The following RPL28 variants were observed in gnomAD, a reference collection of about 807,000 sequenced individuals.
RPL28 encodes the protein large ribosomal subunit protein eL28.
A neutral mutation model predicts 12.5 loss-of-function variants in RPL28; 4 were observed. The ratio of observed to expected loss-of-function variants is 0.32; its 90% CI spans 0.16 to 0.73. The LOEUF (loss-of-function observed/expected upper bound fraction) is 0.73, where lower values mean the gene tolerates loss of function less well. Ranked by LOEUF, RPL28 falls within the 30% of genes least tolerant of loss-of-function variation. The probability of loss-of-function intolerance (pLI) is 0.66; values close to 1 mark genes in which losing one functional copy is unlikely to be tolerated. For missense variants in RPL28, 214 were observed against 197.7 expected, an observed-to-expected ratio of 1.08 and a Z score of -0.49; for synonymous variants, 91 against 72.5, an observed-to-expected ratio of 1.26 and a Z score of -1.30.
intron 4 of RPL28, 36 bp from the exon 5 acceptor site, chr19:55,388,207 T>C (rs1446728931): frequency 4.6e-6 from 7 of 1,516,016 alleles, no homozygotes; most frequent in Non-Finnish European, 6.2e-6. Flanking sequence ...TTGTGGAGTG[T>C]ATGGGCTGAG....
At chr19:55,397,670 G>A (rs989032207) in intron 4 of RPL28, among the ~76,000 whole-genome samples, 10 of 151,896 alleles carry the variant, frequency 6.6e-5, no homozygotes, top group South Asian at 2.1e-4. Flanking sequence ...GAGCCACCGC[G>A]CCCGGCCAGG....
downstream of RPL28, among the ~76,000 whole-genome samples, chr19:55,395,285 C>T (rs929418243): frequency 6.6e-5 from 10 of 151,754 alleles, no homozygotes; most frequent in Admixed American, 2.0e-4. Flanking sequence ...TACAGGCATG[C>T]GCCACCATGC....
downstream of RPL28, among the ~76,000 whole-genome samples, chr19:55,395,604 C>T (rs945195569): frequency 4.9e-4 from 75 of 152,006 alleles, no homozygotes; most frequent in Non-Finnish European, 8.5e-4. Flanking sequence ...CCACCACACC[C>T]GGCTAATTTT....
intron 4 of RPL28, among the ~76,000 whole-genome samples, chr19:55,399,308 A>G (rs2090041253): frequency 6.6e-6 from 1 of 152,154 alleles, no homozygotes; most frequent in African/African-American, 2.4e-5. Flanking sequence ...CTGGGATTAC[A>G]GACATGCACC....
At chr19:55,392,651 C>A (rs542891647), downstream of RPL28, among the ~76,000 whole-genome samples, 13 of 152,062 alleles carry the variant, frequency 8.5e-5, no homozygotes, top group African/African-American at 2.7e-4. Flanking sequence ...CCCAGCCTCC[C>A]CAGGAGCTGG....
chr19:55,397,918 G>A (rs1470425319), intron 4 of RPL28, among the ~76,000 whole-genome samples: 1 of 152,076 alleles, frequency 6.6e-6, no homozygotes, highest in Non-Finnish European at 1.5e-5. Context: ...ATGTGAGGTT[G>A]GGCGTGGTGG....
At chr19:55,401,802 C>A in intron 4 of RPL28, 1 of 1,608,190 alleles carries the variant, frequency 6.2e-7, no homozygotes. Context: ...GTCGGGCAAC[C>A]TACAGGGACC....
In RPL28 at chr19:55,390,684, G is replaced by T; in HGVS notation, c.*2352G>T. The stretch of plus-strand genomic sequence containing the variant: ...ACACAGCCCAGCTTAGTGGGCCTCT[G>T]TTCCTGCGGGTGGCCAGCCTGTCTG... On this transcript the variant is annotated 3_prime_UTR_variant, in exon 5 of 5. Coordinates refer to ENST00000344063, the MANE Select transcript of RPL28 (RefSeq NM_000991.5). The T allele has an allele frequency of 3.0e-6, 3 of 985,430 alleles. No individual in the cohort carries two copies. The highest frequency in any genetic ancestry group is 3.6e-6 in the Non-Finnish European group (3 of 829,946). The allele number at this position is 985,430 out of a possible 1,614,324, so 61.0% of individuals were successfully genotyped here.
downstream of RPL28, among the ~76,000 whole-genome samples, chr19:55,395,441 CTCTT>C (rs1361847383): frequency 3.1e-4 from 41 of 132,778 alleles, no homozygotes; most frequent in African/African-American, 1.2e-3. Flanking sequence ...CCTTCTTTTT[CTCTT>C]TTTTTTTTTT....
intron 4 of RPL28, chr19:55,401,728 T>C: frequency 6.2e-7 from 1 of 1,613,276 alleles, no homozygotes; most frequent in South Asian, 1.1e-5. Context: ...GAGTGCAGAC[T>C]CGGGGTTAGG....
At chr19:55,401,120 G>C (rs1391053526) in intron 4 of RPL28, 2 of 431,132 alleles carry the variant, frequency 4.6e-6, no homozygotes, top group South Asian at 2.9e-5. Flanking sequence ...ACAGAACAAA[G>C]AGGTGGACCC....
chr19:55,396,281 A>G (rs1007356720), downstream of RPL28, among the ~76,000 whole-genome samples: 1 of 151,230 alleles, frequency 6.6e-6, no homozygotes, highest in Non-Finnish European at 1.5e-5. Flanking sequence ...AAAAAAAAAA[A>G]CTTTAAAATT....
Position 55,390,068 on chromosome 19 carries a change from A to G in RPL28, c.*1736A>G, listed in dbSNP as rs1445046797. The G allele has an allele frequency of 1.0e-6, 1 of 985,504 alleles. No homozygotes were observed. Among genetic ancestry groups the G allele is most frequent in the Non-Finnish European group, 1.2e-6 (1 of 829,992 alleles). The allele number at this position is 985,504 out of a possible 1,614,324, so 61.0% of individuals were successfully genotyped here. On this transcript the variant is annotated 3_prime_UTR_variant, in exon 5 of 5. Transcript: ENST00000344063. ...CCACAGCACTGATTTGCAGCCCACA[A>G]GCTGGCAGGTTTATCTGTCTCATGT...
At chr19:55,387,335 C>G (rs1569040473) in intron 3 of RPL28, 1 of 1,551,656 alleles carries the variant, frequency 6.4e-7, no homozygotes, top group African/African-American at 1.4e-5. Context: ...GCCAAGGGTC[C>G]TTTTACTCAG....
At position 55,388,077 on chromosome 19, in the gene RPL28, G is replaced by A. The variant is rs577826796; in HGVS notation, c.324+29G>A. ...AGCTGGGGTTTGGGGATCAGGCTTGGGGAGACTGGCCAGTGCTGTGGGGAA... is the reference window on the plus strand; with the variant it reads ...AGCTGGGGTTTGGGGATCAGGCTTGAGGAGACTGGCCAGTGCTGTGGGGAA... On this transcript the variant is annotated intron_variant, in intron 4 of 4. Coordinates refer to ENST00000344063, the MANE Select transcript of RPL28 (RefSeq NM_000991.5). 1.1e-4 allele frequency: 170 copies of A among 1,613,120 alleles called. 1 individual carries two copies. In the South Asian group the frequency reaches 1.2e-3, roughly 12 times the overall value.
At chr19:55,402,131 T>C (rs1287034955) in intron 4 of RPL28, among the ~76,000 whole-genome samples, 1 of 152,204 alleles carries the variant, frequency 6.6e-6, no homozygotes, top group Admixed American at 6.5e-5. Flanking sequence ...TTTGCCTCCA[T>C]GCAGTTCAGC....
In RPL28 at chr19:55,389,532, G is replaced by A. The variant is rs934979348; in HGVS notation, c.*1200G>A. The A allele has an allele frequency of 5.1e-6, 5 of 985,450 alleles. No individual in the cohort carries two copies. Among genetic ancestry groups the A allele is most frequent in the Non-Finnish European group, 4.8e-6 (4 of 829,968 alleles). The allele number at this position is 985,450 out of a possible 1,614,324, so 61.0% of individuals were successfully genotyped here. ...CTGCTCCCTGTCTGAGACCACCCCC[G>A]GCTCTGACTGAGAGTAAGGGGACTG... On this transcript the variant is annotated 3_prime_UTR_variant, in exon 5 of 5. Coordinates refer to ENST00000344063, the MANE Select transcript of RPL28 (RefSeq NM_000991.5).
chr19:55,386,312 C>T (rs1600299618), intron 1 of RPL28, 38 bp from the exon 2 acceptor site: 1 of 1,596,980 alleles, frequency 6.3e-7, no homozygotes, highest in East Asian at 2.2e-5. Flanking sequence ...CTTTAGTTCT[C>T]TGTGTCTGAC....
At chr19:55,386,181 C>T (rs2123271998) in intron 1 of RPL28, 169 bp from the exon 2 acceptor site, 1 of 626,434 alleles carries the variant, frequency 1.6e-6, no homozygotes, top group Middle Eastern at 4.4e-4. Flanking sequence ...CGCCTTAGGT[C>T]ACTCAGTCCC....
Sources: allele counts gnomAD v4.1 joint callset (sites outside exome capture counted in the v4.1 genomes callset), GRCh38; gene constraint gnomAD v4.1.1; transcripts MANE v1.5; gene names NCBI Gene and HGNC (gene_info 2026-07-23, HGNC 2026-07-21).